The following PIK3C2G variants were observed in gnomAD, a reference collection of about 807,000 sequenced individuals.
The protein encoded by PIK3C2G is phosphatidylinositol 3-kinase C2 domain-containing subunit gamma.
PIK3C2G carries 168 observed loss-of-function variants against 181.1 expected under a neutral mutation model. The ratio of observed to expected loss-of-function variants is 0.93; its 90% CI spans 0.82 to 1.05. The LOEUF is 1.05. Among genes scored for constraint, PIK3C2G ranks in the 50% least tolerant of loss-of-function variants. The probability of loss-of-function intolerance (pLI) is 0.00; values close to 1 mark genes in which losing one functional copy is unlikely to be tolerated. For synonymous variants in PIK3C2G, 573 were observed against 592.2 expected (o/e 0.97, Z 0.47); for missense variants, 1,869 against 1,732.8 (o/e 1.08, Z -1.40).
At chr12:18,373,266 C>A (rs1024797926) in intron 13 of PIK3C2G, among the ~76,000 whole-genome samples, 2 of 152,104 alleles carry the variant, frequency 1.3e-5, no homozygotes, top group African/African-American at 4.8e-5. Context: ...GTAATCCCTG[C>A]TCATAAACAT....
intron 29 of PIK3C2G, among the ~76,000 whole-genome samples, chr12:18,592,153 G>A (rs1000923299): frequency 6.6e-6 from 1 of 151,846 alleles, no homozygotes; most frequent in Non-Finnish European, 1.5e-5. Context: ...CTTAGGTTTA[G>A]GAGACAAATC....
downstream of PIK3C2G, among the ~76,000 whole-genome samples, chr12:18,653,278 G>T (rs1440049444): frequency 6.6e-6 from 1 of 152,094 alleles, no homozygotes; most frequent in Non-Finnish European, 1.5e-5. Context: ...CATGCCAAAA[G>T]TGAAGATTTG....
intron 14 of PIK3C2G, among the ~76,000 whole-genome samples, chr12:18,382,320 A>C (rs924512309): frequency 6.6e-6 from 1 of 152,212 alleles, no homozygotes; most frequent in Non-Finnish European, 1.5e-5. Flanking sequence ...TAGAAAAAAA[A>C]CTGCAAAGTA....
the PIK3C2G span, among the ~76,000 whole-genome samples, chr12:18,707,394 A>G: frequency 2.0e-5 from 3 of 152,138 alleles, no homozygotes; most frequent in African/African-American, 4.8e-5. Context: ...TTCTTCCATG[A>G]GGCCCTGATG....
At chr12:18,585,394 A>G (rs754818599) in intron 29 of PIK3C2G, among the ~76,000 whole-genome samples, 2 of 152,138 alleles carry the variant, frequency 1.3e-5, no homozygotes, top group Non-Finnish European at 2.9e-5. Context: ...TTGTAATCCT[A>G]ATTTCCAACA....
intron 1 of PIK3C2G, among the ~76,000 whole-genome samples, chr12:18,270,301 A>G (rs1011367322): frequency 1.1e-4 from 17 of 152,274 alleles, no homozygotes; most frequent in Non-Finnish European, 2.2e-4. Context: ...GAGATGTTAG[A>G]AATGTTTACT....
intron 29 of PIK3C2G, among the ~76,000 whole-genome samples, chr12:18,579,025 A>G (rs1270386415): frequency 1.3e-5 from 2 of 152,174 alleles, no homozygotes; most frequent in African/African-American, 4.8e-5. Context: ...ACACACCCCA[A>G]TTTTAGTTAC....
At chr12:18,436,797 C>T (rs1027941879) in intron 18 of PIK3C2G, among the ~76,000 whole-genome samples, 1 of 151,892 alleles carries the variant, frequency 6.6e-6, no homozygotes, top group Admixed American at 6.6e-5. Context: ...AATAATCTGA[C>T]GTTCTGAATA....
At chr12:18,354,422 G>A (rs1293501694) in intron 11 of PIK3C2G, among the ~76,000 whole-genome samples, 1 of 152,184 alleles carries the variant, frequency 6.6e-6, no homozygotes, top group Non-Finnish European at 1.5e-5. Flanking sequence ...GTGTCTCTGG[G>A]GTTTGTTTCT....
rs1003126800 is a variant in PIK3C2G, at chr12:18,648,405, C to A, written c.*377C>A. 4.7e-6 allele frequency: 1 copy of A among 214,420 alleles called. No individual in the cohort carries two copies. The highest frequency in any genetic ancestry group is 9.4e-6 in the Non-Finnish European group (1 of 106,258). The allele number at this position is 214,420 out of a possible 1,614,324, so 13.3% of individuals were successfully genotyped here. On this transcript the variant is annotated 3_prime_UTR_variant, in exon 33 of 33. Transcript: ENST00000538779. The stretch of plus-strand genomic sequence containing the variant: ...AGAAAGACAATCAAATAAACCTCAT[C>A]AATTAATTCAAGATCTAGGTATATC...
At chr12:18,291,415 A>T (rs958444042) in intron 4 of PIK3C2G, among the ~76,000 whole-genome samples, 5 of 152,182 alleles carry the variant, frequency 3.3e-5, no homozygotes, top group African/African-American at 1.2e-4. Context: ...AGGCATTGTT[A>T]CACAGAATCT....
chr12:18,490,925 G>C (rs1446960349), intron 19 of PIK3C2G, among the ~76,000 whole-genome samples: 1 of 152,118 alleles, frequency 6.6e-6, no homozygotes, highest in African/African-American at 2.4e-5. Context: ...TTGATGTCCA[G>C]TAAACTATTT....
chr12:18,566,874 A>G (rs1945665343), intron 28 of PIK3C2G, 75 bp from the exon 29 acceptor site: 1 of 784,214 alleles, frequency 1.3e-6, no homozygotes, highest in Non-Finnish European at 2.3e-6. Context: ...TACAGCTGTA[A>G]CTACATGAAC....
chr12:18,336,634 A>AT (rs567780075), intron 8 of PIK3C2G, among the ~76,000 whole-genome samples: 45 of 152,136 alleles, frequency 3.0e-4, no homozygotes, highest in African/African-American at 1.1e-3. Flanking sequence ...GAAATAAATG[A>AT]TTTTTTTCCA....
At chr12:18,452,294 C>T (rs901473319) in intron 18 of PIK3C2G, among the ~76,000 whole-genome samples, 1 of 152,020 alleles carries the variant, frequency 6.6e-6, no homozygotes, top group African/African-American at 2.4e-5. Flanking sequence ...CTGGTTTAGT[C>T]TTGGGAGGGT....
At chr12:18,522,591 CA>C (rs543520279) in intron 24 of PIK3C2G, among the ~76,000 whole-genome samples, 48 of 151,688 alleles carry the variant, frequency 3.2e-4, no homozygotes, top group Non-Finnish European at 5.4e-4. Flanking sequence ...GTCTCTGCTG[CA>C]AAATCTGTTT....
chr12:18,279,028 A>G lies in PIK3C2G; in HGVS notation c.-78-2976A>G, dbSNP rs935636931. Among the ~76,000 whole-genome samples, 3 of 152,142 alleles carry G rather than the reference A, an allele frequency of 2.0e-5. No individual in the cohort carries two copies. In the East Asian group the frequency reaches 5.8e-4, roughly 29 times the overall value. On this transcript the variant is annotated intron_variant, in intron 1 of 32. Coordinates refer to ENST00000538779, the MANE Select transcript of PIK3C2G (RefSeq NM_001288772.2). ...GCTGTGAGAAGTACTTGAAAAAAAT[A>G]TTGTTATTAATAAAAATTAAAAAGT...
At chr12:18,350,700 A>G (rs570872270) in intron 11 of PIK3C2G, among the ~76,000 whole-genome samples, 2 of 152,312 alleles carry the variant, frequency 1.3e-5, no homozygotes, top group African/African-American at 2.4e-5. Context: ...CAATATAAAT[A>G]CTGATGCATA....
At chr12:18,647,557 G>C (rs1306047931) in intron 32 of PIK3C2G, among the ~76,000 whole-genome samples, 1 of 151,788 alleles carries the variant, frequency 6.6e-6, no homozygotes, top group Non-Finnish European at 1.5e-5. Flanking sequence ...CATATTTATG[G>C]GGTATAAAAG....
Sources: gnomAD v4.1 joint callset for allele counts (sites outside exome capture counted in the v4.1 genomes callset) on GRCh38, gnomAD v4.1.1 for gene constraint, MANE v1.5 for transcripts, NCBI Gene and HGNC (gene_info 2026-07-23, HGNC 2026-07-21) for gene names.